The following ULK4 variants were observed in gnomAD, a reference collection of about 807,000 sequenced individuals.
ULK4 encodes the protein unc-51 like kinase 4, also known as inactive serine/threonine-protein kinase ULK4.
ULK4 carries 133 observed loss-of-function variants against 160.6 expected under a neutral mutation model. That is an observed-to-expected ratio of 0.83 (90% confidence interval 0.72 to 0.96). The LOEUF (loss-of-function observed/expected upper bound fraction) is 0.96, where lower values mean the gene tolerates loss of function less well. Among genes scored for constraint, ULK4 ranks in the 40% least tolerant of loss-of-function variants. The probability of loss-of-function intolerance (pLI) is 0.00; values close to 1 mark genes in which losing one functional copy is unlikely to be tolerated. For missense variants in ULK4, 1,580 were observed against 1,499.5 expected, an observed-to-expected ratio of 1.05 and a Z score of -0.89; for synonymous variants, 534 against 539.8, an observed-to-expected ratio of 0.99 and a Z score of 0.15.
At chr3:41,740,452 A>G (rs938695463) in intron 22 of ULK4, among the ~76,000 whole-genome samples, 2 of 151,892 alleles carry the variant, frequency 1.3e-5, no homozygotes, top group Non-Finnish European at 2.9e-5. Flanking sequence ...AGAGATGCAT[A>G]GGCCTTATTT....
At chr3:41,600,572 A>G (rs769786329) in intron 31 of ULK4, among the ~76,000 whole-genome samples, 14 of 152,202 alleles carry the variant, frequency 9.2e-5, no homozygotes, top group Non-Finnish European at 2.1e-4. Flanking sequence ...GCTTGTGAAC[A>G]ACACTGTCCA....
intron 32 of ULK4, among the ~76,000 whole-genome samples, chr3:41,478,996 A>G (rs1403824368): frequency 2.0e-5 from 3 of 152,264 alleles, no homozygotes; most frequent in African/African-American, 7.2e-5. Context: ...AAGAGAATAG[A>G]GTGGAGATGC....
chr3:41,294,240 G>A (rs928786366), intron 35 of ULK4, among the ~76,000 whole-genome samples: 13 of 152,298 alleles, frequency 8.5e-5, no homozygotes, highest in African/African-American at 3.1e-4. Flanking sequence ...GCTCTCTTCT[G>A]CCATGTGAAG....
chr3:41,810,111 T>C (rs1232130758), intron 19 of ULK4, among the ~76,000 whole-genome samples: 1 of 152,228 alleles, frequency 6.6e-6, no homozygotes, highest in Non-Finnish European at 1.5e-5. Flanking sequence ...TTATATATCA[T>C]ATGCTGGCCA....
At chr3:41,629,074 T>A (rs1034572736) in intron 30 of ULK4, among the ~76,000 whole-genome samples, 2 of 152,356 alleles carry the variant, frequency 1.3e-5, no homozygotes, top group African/African-American at 4.8e-5. Flanking sequence ...ATATTCTAGT[T>A]ACCTTTTGCT....
At chr3:41,577,662 A>G (rs1559408678) in intron 31 of ULK4, among the ~76,000 whole-genome samples, 1 of 150,996 alleles carries the variant, frequency 6.6e-6, no homozygotes, top group African/African-American at 2.4e-5. Flanking sequence ...TCTATTCTCT[A>G]GCTCCATGAG....
chr3:41,271,614 A>G (rs1318104395), intron 35 of ULK4, among the ~76,000 whole-genome samples: 1 of 152,092 alleles, frequency 6.6e-6, no homozygotes, highest in African/African-American at 2.4e-5. Context: ...GGCTGGTCTC[A>G]AACTCCTGAC....
At chr3:41,315,509 G>A (rs1249604384) in intron 35 of ULK4, among the ~76,000 whole-genome samples, 3 of 152,232 alleles carry the variant, frequency 2.0e-5, no homozygotes, top group Admixed American at 1.3e-4. Flanking sequence ...CAATGCATCT[G>A]AAATTGTCTT....
intron 32 of ULK4, among the ~76,000 whole-genome samples, chr3:41,562,663 C>G (rs978238865): frequency 5.3e-5 from 8 of 152,194 alleles, no homozygotes; most frequent in African/African-American, 1.9e-4. Context: ...TCTGTTTTAT[C>G]AGAGACTGGG....
At chr3:41,824,361 G>A (rs536548506) in intron 18 of ULK4, among the ~76,000 whole-genome samples, 1 of 152,048 alleles carries the variant, frequency 6.6e-6, no homozygotes, top group African/African-American at 2.4e-5. Context: ...ACAAAGCAGG[G>A]TGAGGCATTG....
intron 32 of ULK4, among the ~76,000 whole-genome samples, chr3:41,517,330 G>A (rs1293756137): frequency 1.3e-5 from 2 of 152,120 alleles, no homozygotes; most frequent in Non-Finnish European, 2.9e-5. Flanking sequence ...AGTATTAAAA[G>A]GCAGGGCCTT....
At position 41,706,849 on chromosome 3, in the gene ULK4, ATGTGTGTGTGTGTGTGTGTGTG is replaced by A. The variant is rs749756575; in HGVS notation, c.2635-1566_2635-1545del. Among the ~76,000 whole-genome samples, 672 of 102,374 alleles carry A rather than the reference ATGTGTGTGTGTGTGTGTGTGTG, an allele frequency of 6.6e-3. 4 individuals are homozygous for A. The highest frequency in any genetic ancestry group is 9.6e-3 in the Non-Finnish European group (539 of 56,374). The allele number at this position is 102,374 out of a possible 152,430, so 67.2% of individuals were successfully genotyped here. On this transcript the variant is annotated intron_variant, in intron 25 of 36. Coordinates refer to ENST00000301831, the MANE Select transcript of ULK4 (RefSeq NM_017886.4). ...TCTCAAAAAAAAAAAAAAAAAAAAT[ATGTGTGTGTGTGTGTGTGTGTG>A]TGTGTGTGTGTGTGTGTGTATATAT...
At chr3:41,562,781 C>G (rs527781829) in intron 32 of ULK4, among the ~76,000 whole-genome samples, 4 of 152,014 alleles carry the variant, frequency 2.6e-5, no homozygotes, top group African/African-American at 9.7e-5. Context: ...GTCTCCTGAA[C>G]ACAGCACACT....
At chr3:41,645,615 T>C (rs2125727729) in intron 30 of ULK4, among the ~76,000 whole-genome samples, 1 of 152,234 alleles carries the variant, frequency 6.6e-6, no homozygotes. Flanking sequence ...CTTCCAAGTA[T>C]GTGGTCAATT....
chr3:41,807,135 T>TA (rs2040667480), intron 19 of ULK4, among the ~76,000 whole-genome samples: 1 of 151,480 alleles, frequency 6.6e-6, no homozygotes, highest in South Asian at 2.1e-4. Context: ...CTCAAAAAAA[T>TA]AAAAAAATTT....
intron 21 of ULK4, among the ~76,000 whole-genome samples, chr3:41,763,145 T>C (rs2039045647): frequency 6.6e-6 from 1 of 151,962 alleles, no homozygotes; most frequent in Non-Finnish European, 1.5e-5. Context: ...TCCTATCAAC[T>C]ACATACAGGA....
chr3:41,647,143 C>T (rs780201750), intron 30 of ULK4, among the ~76,000 whole-genome samples: 9 of 152,142 alleles, frequency 5.9e-5, no homozygotes, highest in Non-Finnish European at 1.3e-4. Flanking sequence ...TTTGAATTTT[C>T]TCCTGTAGCT....
rs1697615757 is a variant in ULK4 at position 41,883,873 on chromosome 3, C to G, written c.1656+1G>C. The G allele has an allele frequency of 6.2e-7, 1 of 1,601,260 alleles. No individual in the cohort carries two copies. On this transcript the variant is annotated splice_donor_variant, in intron 17 of 36. Coordinates refer to ENST00000301831, the MANE Select transcript of ULK4 (RefSeq NM_017886.4). LOFTEE classifies it high-confidence loss of function. ...CACATTTAAGTAATAAAAGACATTA[C>G]CTCAACAACAGGTGTATTTTCCTGG...
At chr3:41,819,289 G>T (rs2041063627) in intron 19 of ULK4, 134 bp downstream of exon 19, 1 of 726,778 alleles carries the variant, frequency 1.4e-6, no homozygotes, top group Non-Finnish European at 2.1e-6. Context: ...ATGGTAGGTT[G>T]TCGGGATTAT....
Sources: gnomAD v4.1 joint callset for allele counts (sites outside exome capture counted in the v4.1 genomes callset) on GRCh38, gnomAD v4.1.1 for gene constraint, MANE v1.5 for transcripts, NCBI Gene and HGNC (gene_info 2026-07-23, HGNC 2026-07-21) for gene names.